MCF2: variants seen among roughly 807,000 people sequenced by gnomAD.
MCF2 encodes MCF.2 cell line derived transforming sequence, also known as proto-oncogene DBL.
In MCF2, 44 loss-of-function variants were observed where a neutral mutation model predicts 82.5. That is an observed-to-expected ratio of 0.53 (90% confidence interval 0.42 to 0.69). The LOEUF is 0.69. Among genes scored for constraint, MCF2 ranks in the 30% least tolerant of loss-of-function variants. The pLI is 0.00. For synonymous variants in MCF2, 217 were observed against 224.9 expected (o/e 0.96, Z 0.32); for missense variants, 623 against 663.1 (o/e 0.94, Z 0.66).
chrX:139,659,155 G>A (rs1329659884), intron 1 of MCF2, among the ~76,000 whole-genome samples: 6 of 110,899 alleles, frequency 5.4e-5, no homozygotes, highest in African/African-American at 2.0e-4. Context: ...GGGCGTGGTG[G>A]CACGTGCCTG....
chrX:139,650,624 C>G (rs1363955618), intron 2 of MCF2, among the ~76,000 whole-genome samples: 1 of 111,883 alleles, frequency 8.9e-6, no homozygotes, highest in Non-Finnish European at 1.9e-5. Flanking sequence ...TCAAATTACT[C>G]TAATACCTGA....
intron 1 of MCF2, chrX:139,642,373 C>A (rs1429668018): frequency 5.4e-6 from 6 of 1,118,861 alleles, no homozygotes; most frequent in Non-Finnish European, 1.2e-6. Context: ...TCCTTAAAAA[C>A]CCTACTCAGC....
rs947152147 is a variant in MCF2, at chrX:139,606,607, C to T, written c.1491-828G>A. Among the ~76,000 whole-genome samples the T allele has an allele frequency of 2.7e-5, 3 of 111,766 alleles. No individual in the cohort carries two copies. The Admixed American group carries it at 2.8e-4, about 11-fold the overall frequency. ...CTCCTGACCTCAAGTGATCCGCCCG[C>T]CTGGGCCTCCCAACATGCTGGGATT... On this transcript the variant is annotated intron_variant, in intron 12 of 24. Coordinates refer to ENST00000370576, the Ensembl canonical transcript of MCF2.
chrX:139,677,981 A>G (rs1010954284), intron 1 of MCF2, among the ~76,000 whole-genome samples: 5 of 111,185 alleles, frequency 4.5e-5, no homozygotes, highest in Non-Finnish European at 5.7e-5. Flanking sequence ...GGGCCGACAC[A>G]GTGAAACTCC....
chrX:139,652,390 T>C (rs4824958), intron 1 of MCF2, among the ~76,000 whole-genome samples: 22,459 of 110,577 alleles, frequency 0.2, 1,734 homozygotes, highest in South Asian at 0.28. Flanking sequence ...AGCTATAAAC[T>C]GGGCATAATG....
At chrX:139,644,039 A>G (rs1933706323), upstream of MCF2, among the ~76,000 whole-genome samples, 1 of 112,080 alleles carries the variant, frequency 8.9e-6, no homozygotes, top group South Asian at 3.7e-4. Flanking sequence ...CCAAGGACCA[A>G]TCCTAAAAGA....
chrX:139,700,971 A>T (rs891849649), intron 1 of MCF2, among the ~76,000 whole-genome samples: 79 of 111,226 alleles, frequency 7.1e-4, no homozygotes, highest in African/African-American at 2.5e-3. Context: ...GACATTCATT[A>T]AAAGACTCTA....
exon 1 of MCF2, chrX:139,642,829 T>A: frequency 1.0e-6 from 1 of 953,851 alleles, no homozygotes; most frequent in Non-Finnish European, 1.3e-6. Flanking sequence ...CTCAAGAAGA[T>A]CAGGCATGTC....
In MCF2 at chrX:139,616,493, G is replaced by A. The variant is rs1349452413; in HGVS notation, c.1000-20C>T. The A allele has an allele frequency of 3.2e-5, 25 of 776,656 alleles. No individual in the cohort carries two copies. Among genetic ancestry groups the A allele is most frequent in the East Asian group, 1.2e-4 (3 of 24,481 alleles). 64.0% of individuals were successfully genotyped at this position (776,656 alleles called of 1,213,427 possible). A position where few individuals can be genotyped will look rare whatever the true frequency, so the allele number is the denominator to read the frequency against. On this transcript the variant is annotated intron_variant, in intron 8 of 24. Coordinates refer to ENST00000370576, the Ensembl canonical transcript of MCF2. ...ACGAGCCTGGTAAGAAAATCAAGAA[G>A]AAAAAAAAAAAATATGAATTAATAA... is the stretch of plus-strand genomic sequence containing the variant.
intron 1 of MCF2, among the ~76,000 whole-genome samples, chrX:139,653,085 A>G: frequency 8.9e-6 from 1 of 112,143 alleles, no homozygotes; most frequent in Non-Finnish European, 1.9e-5. Context: ...TAGACTCGAT[A>G]TATTTCAGAT....
chrX:139,645,494 T>G, upstream of MCF2: 1 of 597,041 alleles, frequency 1.7e-6, no homozygotes. Flanking sequence ...ACCAAAGTAA[T>G]CTATACCTCC....
chrX:139,650,584 T>C (rs939075845), intron 2 of MCF2, among the ~76,000 whole-genome samples: 1 of 112,118 alleles, frequency 8.9e-6, no homozygotes, highest in Non-Finnish European at 1.9e-5. Flanking sequence ...ATCTGTTTAA[T>C]ATGCTAAATG....
chrX:139,646,764 A>C (rs2148520401), upstream of MCF2: 1 of 873,399 alleles, frequency 1.1e-6, no homozygotes, highest in South Asian at 2.5e-5. Context: ...AAGCGAATTG[A>C]AAAAAATGTA....
At chrX:139,693,569 G>A (rs1322777964) in intron 1 of MCF2, among the ~76,000 whole-genome samples, 3 of 109,919 alleles carry the variant, frequency 2.7e-5, no homozygotes, top group Non-Finnish European at 5.7e-5. Context: ...TCAACTTCTC[G>A]GAGTTGATTT....
intron 23 of MCF2, among the ~76,000 whole-genome samples, chrX:139,585,414 C>CA (rs1430102450): frequency 8.9e-6 from 1 of 111,907 alleles, no homozygotes; most frequent in East Asian, 2.8e-4. Flanking sequence ...CAAATGAAGG[C>CA]ATTAGTACTA....
chrX:139,639,240 T>C (rs1458255149), intron 1 of MCF2, among the ~76,000 whole-genome samples: 1 of 112,229 alleles, frequency 8.9e-6, no homozygotes, highest in Non-Finnish European at 1.9e-5. Flanking sequence ...TGAGAACTTG[T>C]CAAAAAAGCA....
chrX:139,707,835 T>C (rs1230017635), intron 1 of MCF2, among the ~76,000 whole-genome samples: 1 of 111,612 alleles, frequency 9.0e-6, no homozygotes, highest in Non-Finnish European at 1.9e-5. Context: ...CTAATTATTT[T>C]AGAAAAAACT....
chrX:139,596,837 G>T, intron 18 of MCF2, 67 bp from the exon 23 acceptor site: 1 of 733,595 alleles, frequency 1.4e-6, no homozygotes, highest in Non-Finnish European at 2.1e-6. Flanking sequence ...ACACCAACAT[G>T]TTAGGGTTCA....
intron 1 of MCF2, chrX:139,692,071 G>A (rs896754424): frequency 8.6e-7 from 1 of 1,163,834 alleles, no homozygotes; most frequent in African/African-American, 1.8e-5. Flanking sequence ...GGCAGGCCTG[G>A]GATCCTGCCG....
Sources: gnomAD v4.1 joint callset for allele counts (sites outside exome capture counted in the v4.1 genomes callset) on GRCh38, gnomAD v4.1.1 for gene constraint, MANE v1.5 for transcripts, NCBI Gene and HGNC (gene_info 2026-07-23, HGNC 2026-07-21) for gene names.